The following UBR3 variants were observed in gnomAD, a reference collection of about 807,000 sequenced individuals.
UBR3 encodes the protein ubiquitin protein ligase E3 component n-recognin 3.
In UBR3, 85 loss-of-function variants were observed where a neutral mutation model predicts 243.2. That is an observed-to-expected ratio of 0.35 (90% CI 0.29 to 0.42). UBR3 has a LOEUF of 0.42. Ranked by LOEUF, UBR3 falls within the 10% of genes least tolerant of loss-of-function variation. The pLI is 1.00. For missense variants in UBR3, 1,686 were observed against 2,300.8 expected, an observed-to-expected ratio of 0.73 and a Z score of 5.47; for synonymous variants, 748 against 799.8, an observed-to-expected ratio of 0.94 and a Z score of 1.09.
chr2:169,867,288 A>G (rs2083292953), intron 1 of UBR3, among the ~76,000 whole-genome samples: 1 of 152,226 alleles, frequency 6.6e-6, no homozygotes, highest in South Asian at 2.1e-4. Flanking sequence ...TAGTATTTAT[A>G]GAAGAGATTA....
At chr2:169,943,905 A>G (rs1402500474) in intron 20 of UBR3, among the ~76,000 whole-genome samples, 4 of 152,036 alleles carry the variant, frequency 2.6e-5, no homozygotes, top group African/African-American at 9.7e-5. Context: ...TTAAATTTCT[A>G]TACTTCTCTT....
intron 1 of UBR3, among the ~76,000 whole-genome samples, chr2:169,835,942 C>T (rs967437487): frequency 6.7e-6 from 1 of 148,208 alleles, no homozygotes; most frequent in East Asian, 2.0e-4. Flanking sequence ...CTTTCCCTTT[C>T]TCTTTTCCTC....
At chr2:169,873,821 T>C (rs373109255) in intron 2 of UBR3, among the ~76,000 whole-genome samples, 31 of 152,366 alleles carry the variant, frequency 2.0e-4, no homozygotes, top group East Asian at 1.9e-3. Context: ...GCATTATTTC[T>C]TATATACTAG....
intron 26 of UBR3, among the ~76,000 whole-genome samples, chr2:169,996,606 C>CTCTGTA (rs1263856541): frequency 6.6e-6 from 1 of 150,922 alleles, no homozygotes; most frequent in Non-Finnish European, 1.5e-5. Context: ...TTGTAGCAGT[C>CTCTGTA]TCTGTATGTG....
chr2:170,070,777 A>G (rs1222801442), intron 35 of UBR3, among the ~76,000 whole-genome samples: 1 of 152,184 alleles, frequency 6.6e-6, no homozygotes, highest in Non-Finnish European at 1.5e-5. Context: ...AGGCTTGCAC[A>G]ATTTCATGAA....
chr2:169,893,396 G>A (rs2084448832), intron 6 of UBR3, among the ~76,000 whole-genome samples: 1 of 152,120 alleles, frequency 6.6e-6, no homozygotes, highest in South Asian at 2.1e-4. Flanking sequence ...TCATAACTAT[G>A]AATTCTATGA....
chr2:169,902,504 C>T (rs962961847), intron 8 of UBR3, among the ~76,000 whole-genome samples: 1 of 151,858 alleles, frequency 6.6e-6, no homozygotes, highest in African/African-American at 2.4e-5. Flanking sequence ...GGTACTGCTC[C>T]TTCCGCGTAT....
At chr2:169,933,367 G>A (rs960917449) in intron 19 of UBR3, among the ~76,000 whole-genome samples, 2 of 152,194 alleles carry the variant, frequency 1.3e-5, no homozygotes, top group East Asian at 1.9e-4. Flanking sequence ...AGATGGTGAC[G>A]GGTGTCTGTA....
At chr2:170,067,572 C>T (rs1370352840) in intron 35 of UBR3, among the ~76,000 whole-genome samples, 1 of 152,044 alleles carries the variant, frequency 6.6e-6, no homozygotes, top group Non-Finnish European at 1.5e-5. Flanking sequence ...TACAACTACA[C>T]ATGGAATATC....
At chr2:169,945,662 G>A (rs1007821051) in intron 20 of UBR3, among the ~76,000 whole-genome samples, 1 of 152,118 alleles carries the variant, frequency 6.6e-6, no homozygotes, top group Non-Finnish European at 1.5e-5. Flanking sequence ...GGTATTTTAG[G>A]TATCTTCTGG....
intron 5 of UBR3, among the ~76,000 whole-genome samples, chr2:169,884,182 G>A (rs1251901208): frequency 6.8e-6 from 1 of 147,198 alleles, no homozygotes; most frequent in Non-Finnish European, 1.5e-5. Context: ...TTGAGACGGA[G>A]TCTTGCACTG....
At chr2:169,974,894 T>C (rs961648272) in intron 24 of UBR3, among the ~76,000 whole-genome samples, 5 of 152,196 alleles carry the variant, frequency 3.3e-5, no homozygotes, top group African/African-American at 1.2e-4. Flanking sequence ...TAAATTTCTT[T>C]CTTAAGGCTG....
chr2:170,035,147 T>C (rs905169676), intron 31 of UBR3, among the ~76,000 whole-genome samples: 5 of 152,060 alleles, frequency 3.3e-5, no homozygotes, highest in Non-Finnish European at 7.4e-5. Context: ...CTTGACATTG[T>C]CTTTTGCCAA....
In UBR3 at chr2:169,835,035, A is replaced by AT. The variant is rs568609547; in HGVS notation, c.545+6990dup. On this transcript the variant is annotated intron_variant, in intron 1 of 38. Transcript: ENST00000272793. ...CAAGGGAAGGGGAGATTGGGGAGTT[A>AT]TTTTTTTAACAGGTACAGAGTTTCA... is the stretch of plus-strand genomic sequence containing the variant. Among the ~76,000 whole-genome samples, 11 of 152,264 alleles carry AT rather than the reference A, an allele frequency of 7.2e-5. No homozygotes were observed. The East Asian group carries it at 9.6e-4, about 13-fold the overall frequency.
intron 31 of UBR3, among the ~76,000 whole-genome samples, chr2:170,034,439 C>G (rs928146315): frequency 6.6e-6 from 1 of 152,070 alleles, no homozygotes; most frequent in Middle Eastern, 3.4e-3. Context: ...CAATATGTAG[C>G]TTTTCACATT....
intron 36 of UBR3, 23 bp downstream of exon 36, chr2:170,073,630 G>A: frequency 6.2e-7 from 1 of 1,606,664 alleles, no homozygotes. Flanking sequence ...AGTTGTACTA[G>A]CTTGTCACGG....
chr2:170,044,894 A>G (rs2091046824), intron 32 of UBR3, among the ~76,000 whole-genome samples: 3 of 152,082 alleles, frequency 2.0e-5, no homozygotes. Flanking sequence ...TAGATGATTC[A>G]CACAAAATTT....
At chr2:169,832,784 T>C (rs1194294178) in intron 1 of UBR3, among the ~76,000 whole-genome samples, 1 of 151,072 alleles carries the variant, frequency 6.6e-6, no homozygotes, top group African/African-American at 2.4e-5. Context: ...AAATACAAAA[T>C]TATCTGGGCA....
chr2:169,949,968 A>G lies in UBR3; in HGVS notation c.3448A>G (p.Lys1150Glu). 1 of 1,613,834 alleles carries G rather than the reference A, an allele frequency of 6.2e-7. No individual in the cohort carries two copies. Among genetic ancestry groups the G allele is most frequent in the African/African-American group, 1.3e-5 (1 of 75,040 alleles). The change falls in exon 23 of 39, where the codon AAA becomes GAA. Residue 1150 changes from lysine (K) to glutamate (E), a missense_variant. Lys to Glu is a moderately conservative substitution (Grantham distance 56). Coordinates refer to ENST00000272793, the MANE Select transcript of UBR3 (RefSeq NM_172070.4). ...LKAASQSRMN[K>E]RIIEEICRKV... ...AGCTGCATCGCAAAGTAGAATGAAC[A>G]AACGCATCATTGAAGAGATATGTAG...
Sources: gnomAD v4.1 joint callset for allele counts (sites outside exome capture counted in the v4.1 genomes callset) on GRCh38, gnomAD v4.1.1 for gene constraint, MANE v1.5 for transcripts, NCBI Gene and HGNC (gene_info 2026-07-23, HGNC 2026-07-21) for gene names.